Variants in ZNF251 observed in about 807,000 individuals in gnomAD.
The protein encoded by ZNF251 is zinc finger protein 251.
Under a neutral mutation model 13.5 loss-of-function variants are expected in ZNF251, and 14 were observed. That is an observed-to-expected ratio of 1.04 (90% CI 0.69 to 1.63). The LOEUF (loss-of-function observed/expected upper bound fraction) is 1.63, where lower values mean the gene tolerates loss of function less well. Ranked by LOEUF, ZNF251 falls within the 40% of genes most tolerant of loss-of-function variation. The pLI, the probability that ZNF251 is intolerant of heterozygous loss-of-function variation, is 0.00. For missense variants in ZNF251, 764 were observed against 834.9 expected (o/e 0.92, Z 1.05); for synonymous variants, 287 against 295.2 (o/e 0.97, Z 0.28).
At chr8:144,754,965 C>T (rs1824888749) in intron 1 of ZNF251, 162 bp from the exon 2 acceptor site, 1 of 1,400,956 alleles carries the variant, frequency 7.1e-7, no homozygotes, top group African/African-American at 1.5e-5. Flanking sequence ...TCCTGAAATC[C>T]CAGAACGGCC....
rs767952397 is a variant in ZNF251, at chr8:144,721,766, T to G, written c.1894A>C (p.Ser632Arg). 10 of 1,449,730 alleles carry G rather than the reference T, an allele frequency of 6.9e-6. No homozygotes were observed. The highest frequency in any genetic ancestry group is 8.2e-6 in the Non-Finnish European group (9 of 1,098,544). The allele number at this position is 1,449,730 out of a possible 1,614,324, so 89.8% of individuals were successfully genotyped here. The change falls in exon 5 of 5, where the codon AGC (serine) becomes CGC (arginine). Residue 632 changes from serine to arginine, a missense_variant. Transcript: ENST00000292562. The part of the protein sequence containing the change: ...CHCSVYGKAF[S>R]QSSQLTPPQQ... ...GGTGGTGTGAGCTGTGAACTCTGGCTGAAGGCTTTCCCATACACACTGCAA... is the reference window on the plus strand; with the variant it reads ...GGTGGTGTGAGCTGTGAACTCTGGCGGAAGGCTTTCCCATACACACTGCAA...
At chr8:144,747,611 TTTG>T (rs775126600) in intron 4 of ZNF251, among the ~76,000 whole-genome samples, 7 of 152,332 alleles carry the variant, frequency 4.6e-5, no homozygotes, top group Admixed American at 6.5e-5. Context: ...CATCACATAT[TTTG>T]TTGTTGTTGT....
intron 4 of ZNF251, among the ~76,000 whole-genome samples, chr8:144,732,623 C>T (rs10090907): frequency 0.56 from 84,145 of 151,068 alleles, 23,586 homozygotes; most frequent in East Asian, 0.69. Context: ...CCATCCTGGC[C>T]AACACGGTGA....
chr8:144,748,916 A>G (rs911946370), intron 4 of ZNF251, among the ~76,000 whole-genome samples: 5 of 152,182 alleles, frequency 3.3e-5, no homozygotes, highest in African/African-American at 1.2e-4. Context: ...CTGTAATACC[A>G]GTGCTTTAGG....
chr8:144,754,339 C>A lies in ZNF251; in HGVS notation c.34-18G>T, dbSNP rs1406131645. The A allele has an allele frequency of 1.3e-6, 2 of 1,587,794 alleles. No individual in the cohort carries two copies. Among genetic ancestry groups the A allele is most frequent in the Non-Finnish European group, 1.7e-6 (2 of 1,167,238 alleles). The stretch of plus-strand genomic sequence containing the variant: ...GGCATCTCCTGCAACAAAACATCGC[C>A]GCTGCCCAGGCCATGCCCACGGGGC... On this transcript the variant is annotated intron_variant, in intron 2 of 4. Transcript: ENST00000292562.
At chr8:144,740,836 G>C (rs974314344) in intron 4 of ZNF251, among the ~76,000 whole-genome samples, 1 of 152,092 alleles carries the variant, frequency 6.6e-6, no homozygotes, top group Non-Finnish European at 1.5e-5. Context: ...GGGAGGCTGA[G>C]GCAGGAGAAT....
intron 4 of ZNF251, among the ~76,000 whole-genome samples, chr8:144,739,814 G>C (rs1824073944): frequency 6.6e-6 from 1 of 151,956 alleles, no homozygotes; most frequent in Non-Finnish European, 1.5e-5. Context: ...AGGATCACTT[G>C]AACCTGGGAG....
At position 144,754,253 on chromosome 8, in the gene ZNF251, G is replaced by C; in HGVS notation, c.102C>G (p.Pro34=). The C allele has an allele frequency of 6.2e-7, 1 of 1,613,918 alleles. No individual in the cohort carries two copies. The highest frequency in any genetic ancestry group is 8.5e-7 in the Non-Finnish European group (1 of 1,179,946). ...CATCCCGGTAGAGCGCCCGCTGCTG[G>C]GGGCCCAGCTGCCGCCCCTCCGCCT... ...FSQAEGRQLG[P]QQRALYRDVM... Residue 34 remains proline (P), a synonymous_variant, in exon 3 of 5, where the codon CCC becomes CCG. Transcript: ENST00000292562.
intron 4 of ZNF251, among the ~76,000 whole-genome samples, chr8:144,752,785 T>C (rs1423075041): frequency 6.6e-6 from 1 of 152,108 alleles, no homozygotes; most frequent in Non-Finnish European, 1.5e-5. Flanking sequence ...AAGCTGCGGA[T>C]ATGAGTTGTA....
rs1823375524 is a variant in ZNF251 at position 144,721,717 on chromosome 8, T to G, written c.1943A>C (p.Lys648Thr). The G allele has an allele frequency of 7.3e-7, 1 of 1,375,552 alleles. No homozygotes were observed. 85.2% of individuals were successfully genotyped at this position (1,375,552 alleles called of 1,614,324 possible). Residue 648 changes from lysine (K) to threonine (T), a missense_variant, in exon 5 of 5, where the codon AAA becomes ACA. Physicochemically the swap from Lys to Thr is moderately conservative, Grantham distance 78. Transcript: ENST00000292562. ...TTTAGAGCCATCATTTAAAGCAGGT[T>G]TCTCTCCAACACGAGTCTGCTGAGG... is the stretch of plus-strand genomic sequence containing the variant. Reference protein sequence around the residue: ...TPPQQTRVGEKPALNDGSKRY... With the variant: ...TPPQQTRVGETPALNDGSKRY...
At chr8:144,753,372 C>T (rs188773090) in intron 4 of ZNF251, 43 of 231,710 alleles carry the variant, frequency 1.9e-4, no homozygotes, top group South Asian at 7.0e-4. Context: ...GGTAGGGTAC[C>T]GATATCTATT....
intron 4 of ZNF251, among the ~76,000 whole-genome samples, chr8:144,735,399 A>AAG (rs1554621456): frequency 7.3e-5 from 11 of 150,636 alleles, no homozygotes; most frequent in African/African-American, 2.7e-4. Flanking sequence ...AAAAAAAAAA[A>AAG]AGAGATTTTG....
intron 4 of ZNF251, among the ~76,000 whole-genome samples, chr8:144,728,662 C>CA (rs573364533): frequency 0.058 from 3,248 of 55,878 alleles, 78 homozygotes; most frequent in Non-Finnish European, 0.086. Context: ...GGCTCCGTCT[C>CA]AAAAAAAAAA....
intron 4 of ZNF251, among the ~76,000 whole-genome samples, chr8:144,724,163 G>C (rs1434962384): frequency 6.8e-6 from 1 of 146,894 alleles, no homozygotes; most frequent in Non-Finnish European, 1.5e-5. Flanking sequence ...AGAATGGCGT[G>C]AACCCAGGAG....
intron 4 of ZNF251, among the ~76,000 whole-genome samples, chr8:144,737,898 C>T (rs920409425): frequency 5.9e-5 from 9 of 151,404 alleles, no homozygotes; most frequent in African/African-American, 2.4e-5. Context: ...ATACAGGGGC[C>T]GGTGCCTTCA....
intron 4 of ZNF251, among the ~76,000 whole-genome samples, chr8:144,728,957 G>A (rs190285562): frequency 0.03 from 4,493 of 151,564 alleles, 213 homozygotes; most frequent in African/African-American, 0.1. Flanking sequence ...GCATGGTGGC[G>A]CGCGCCTGTA....
chr8:144,722,259 C>T lies in ZNF251; in HGVS notation c.1401G>A (p.Gly467=). ...GCTGGGAGCTCTGGCTGAAAGCTTT[C>T]CCACATTCAACGCACTGGTAGGGCT... The part of the protein sequence containing the change: ...GEKPYQCVEC[G]KAFSQSSQLT... The change falls in exon 5 of 5, where the codon GGG becomes GGA. Residue 467 remains glycine (G), a synonymous_variant. Coordinates refer to ENST00000292562, the MANE Select transcript of ZNF251 (RefSeq NM_138367.2). This position sits in a 1 kb window ranked among gnomAD's most constrained non-coding sequence, Gnocchi z 4.8. The T allele has an allele frequency of 6.2e-7, 1 of 1,613,164 alleles. No individual in the cohort carries two copies. The highest frequency in any genetic ancestry group is 8.5e-7 in the Non-Finnish European group (1 of 1,179,768).
intron 4 of ZNF251, among the ~76,000 whole-genome samples, chr8:144,751,205 G>A (rs2130094170): frequency 6.6e-6 from 1 of 152,266 alleles, no homozygotes; most frequent in African/African-American, 2.4e-5. Flanking sequence ...CCTCTCTGAT[G>A]GAGCTAAGAT....
chr8:144,733,644 C>G (rs1823788938), intron 4 of ZNF251, among the ~76,000 whole-genome samples: 1 of 152,210 alleles, frequency 6.6e-6, no homozygotes, highest in African/African-American at 2.4e-5. Flanking sequence ...TCCATCTGGG[C>G]TTCCACCCAT....
Sources: allele counts gnomAD v4.1 joint callset (sites outside exome capture counted in the v4.1 genomes callset), GRCh38; gene constraint gnomAD v4.1.1; non-coding constraint Gnocchi (gnomAD v3.1); transcripts MANE v1.5; gene names NCBI Gene and HGNC (gene_info 2026-07-23, HGNC 2026-07-21).